Variants in TENM3 observed in about 807,000 individuals in gnomAD.
The protein encoded by TENM3 is teneurin-3.
A neutral mutation model predicts 255.1 loss-of-function variants in TENM3; 63 were observed. That is an observed-to-expected ratio of 0.25 (90% CI 0.20 to 0.30). The LOEUF (loss-of-function observed/expected upper bound fraction) is 0.30, where lower values mean the gene tolerates loss of function less well. Ranked by LOEUF, TENM3 falls within the 10% of genes least tolerant of loss-of-function variation. TENM3 has a pLI of 1.00. For synonymous variants in TENM3, 1,306 were observed against 1,322.3 expected (o/e 0.99, Z 0.27); for missense variants, 2,929 against 3,461.1 (o/e 0.85, Z 3.86).
intron 3 of TENM3, among the ~76,000 whole-genome samples, chr4:182,474,973 T>A (rs1259169077): frequency 6.6e-6 from 1 of 152,214 alleles, no homozygotes; most frequent in African/African-American, 2.4e-5. Context: ...TACTCGTATC[T>A]ACACACTTCA....
chr4:182,157,187 C>T (rs1750771910), intron 1 of TENM3, among the ~76,000 whole-genome samples: 1 of 152,144 alleles, frequency 6.6e-6, no homozygotes, highest in African/African-American at 2.4e-5. Context: ...CAAAGGGGCC[C>T]TGGGGCTCAC....
At chr4:182,459,788 T>C (rs1295572219) in intron 3 of TENM3, among the ~76,000 whole-genome samples, 1 of 152,210 alleles carries the variant, frequency 6.6e-6, no homozygotes, top group Non-Finnish European at 1.5e-5. Flanking sequence ...TAGTCATTAA[T>C]ACTGATTAAT....
intron 4 of TENM3, among the ~76,000 whole-genome samples, chr4:182,624,414 C>A (rs1238755814): frequency 2.0e-5 from 3 of 152,142 alleles, no homozygotes; most frequent in African/African-American, 7.2e-5. Context: ...TGCCAGGTAG[C>A]TCTCTCTGCT....
At chr4:182,491,481 A>C (rs1350317) in intron 3 of TENM3, among the ~76,000 whole-genome samples, 28,488 of 152,076 alleles carry the variant, frequency 0.19, 3,872 homozygotes, top group African/African-American at 0.38. Flanking sequence ...TTATATAAAC[A>C]TGATACTGTG....
chr4:182,408,658 C>G (rs1029789744), intron 3 of TENM3, among the ~76,000 whole-genome samples: 1 of 152,228 alleles, frequency 6.6e-6, no homozygotes, highest in Non-Finnish European at 1.5e-5. Context: ...TCAAATTTAA[C>G]TAGCCTGATT....
At chr4:182,317,873 C>A (rs1762836379) in intron 1 of TENM3, among the ~76,000 whole-genome samples, 1 of 152,056 alleles carries the variant, frequency 6.6e-6, no homozygotes, top group Non-Finnish European at 1.5e-5. Context: ...CTTTGAAATT[C>A]TTATGGTATG....
the TENM3 span, among the ~76,000 whole-genome samples, chr4:182,099,580 T>C: frequency 7.2e-5 from 11 of 152,140 alleles, no homozygotes; most frequent in African/African-American, 2.7e-4. Context: ...CAAATCTCAT[T>C]GTTTGTAAAT....
chr4:182,387,539 C>A lies in TENM3; in HGVS notation c.511+40610C>A, dbSNP rs950901269. Among the ~76,000 whole-genome samples the A allele has an allele frequency of 3.3e-5, 5 of 152,108 alleles. No individual in the cohort carries two copies. In the East Asian group the frequency reaches 9.7e-4, roughly 29 times the overall value. On this transcript the variant is annotated intron_variant, in intron 3 of 27. Transcript: ENST00000511685. ...AGCAGTGGCAACACGCTTGGGTCCC[C>A]TTCCACACTAAATTTTGCTACTGCT... is the stretch of plus-strand genomic sequence containing the variant.
At chr4:181,624,184 A>T in the TENM3 span, among the ~76,000 whole-genome samples, 1 of 152,212 alleles carries the variant, frequency 6.6e-6, no homozygotes, top group Non-Finnish European at 1.5e-5. Flanking sequence ...CCCTCTGGCT[A>T]CAAGTTCATC....
chr4:181,505,033 G>A, the TENM3 span, among the ~76,000 whole-genome samples: 1 of 152,144 alleles, frequency 6.6e-6, no homozygotes, highest in Non-Finnish European at 1.5e-5. Context: ...GCCAGGTGTG[G>A]GCCGGGCAGA....
chr4:182,443,197 T>G (rs1229526940), intron 3 of TENM3, among the ~76,000 whole-genome samples: 1 of 152,166 alleles, frequency 6.6e-6, no homozygotes, highest in Non-Finnish European at 1.5e-5. Flanking sequence ...CTCCCCAAAA[T>G]GTATTCATAT....
At chr4:182,576,435 T>G (rs1272663560) in intron 3 of TENM3, among the ~76,000 whole-genome samples, 1 of 152,182 alleles carries the variant, frequency 6.6e-6, no homozygotes, top group Non-Finnish European at 1.5e-5. Context: ...TAACTATAAT[T>G]TAACAGCAAT....
intron 3 of TENM3, among the ~76,000 whole-genome samples, chr4:182,433,869 T>G (rs4862065): frequency 2.8e-4 from 42 of 151,702 alleles, no homozygotes; most frequent in Non-Finnish European, 5.6e-4. Context: ...TAATCCCAGC[T>G]CTTTGGGAGA....
intron 1 of TENM3, among the ~76,000 whole-genome samples, chr4:182,147,583 T>G (rs1275582880): frequency 6.6e-6 from 1 of 152,336 alleles, no homozygotes; most frequent in Non-Finnish European, 1.5e-5. Flanking sequence ...TTCTGGAAGC[T>G]GTGCAACCTG....
At chr4:181,860,602 G>T in the TENM3 span, among the ~76,000 whole-genome samples, 1 of 152,148 alleles carries the variant, frequency 6.6e-6, no homozygotes, top group East Asian at 1.9e-4. Context: ...TCATGTTTGA[G>T]TAGACCCTAC....
At chr4:181,930,076 G>A in the TENM3 span, among the ~76,000 whole-genome samples, 1 of 152,128 alleles carries the variant, frequency 6.6e-6, no homozygotes, top group Non-Finnish European at 1.5e-5. Flanking sequence ...AAGCTGGAAA[G>A]ATCTAAAATC....
At chr4:181,889,628 T>C in the TENM3 span, among the ~76,000 whole-genome samples, 3 of 152,124 alleles carry the variant, frequency 2.0e-5, no homozygotes, top group Non-Finnish European at 1.5e-5. Context: ...AATTATAAAA[T>C]AATCCTCAAA....
chr4:182,452,676 G>C (rs1266760552), intron 3 of TENM3, among the ~76,000 whole-genome samples: 1 of 152,188 alleles, frequency 6.6e-6, no homozygotes, highest in East Asian at 1.9e-4. Context: ...ATAATCACGT[G>C]AAGTGATTCA....
At chr4:182,790,997 CTA>C (rs1383122706) in intron 25 of TENM3, among the ~76,000 whole-genome samples, 1 of 152,164 alleles carries the variant, frequency 6.6e-6, no homozygotes, top group African/African-American at 2.4e-5. Context: ...TCCACCCAGA[CTA>C]TTTCGATGTT....
Sources: gnomAD v4.1 joint callset for allele counts (sites outside exome capture counted in the v4.1 genomes callset) on GRCh38, gnomAD v4.1.1 for gene constraint, MANE v1.5 for transcripts, NCBI Gene and HGNC (gene_info 2026-07-23, HGNC 2026-07-21) for gene names.